Variants in ARHGAP42 observed in about 807,000 individuals in gnomAD.
ARHGAP42 encodes the protein rho GTPase-activating protein 42.
ARHGAP42 carries 63 observed loss-of-function variants against 125.0 expected under a neutral mutation model. That is an observed-to-expected ratio of 0.50 (90% confidence interval 0.41 to 0.62). ARHGAP42 has a LOEUF of 0.62. ARHGAP42 is among the 20% of genes least tolerant of loss of function. ARHGAP42 has a pLI of 0.00. For missense variants in ARHGAP42, 766 were observed against 1,024.2 expected, an observed-to-expected ratio of 0.75 and a Z score of 3.44; for synonymous variants, 339 against 351.0, an observed-to-expected ratio of 0.97 and a Z score of 0.38.
At chr11:100,820,947 TTTTTG>T (rs1864390574) in intron 3 of ARHGAP42, among the ~76,000 whole-genome samples, 1 of 144,302 alleles carries the variant, frequency 6.9e-6, no homozygotes, top group African/African-American at 2.7e-5. Flanking sequence ...GGGTCATCTT[TTTTTG>T]TTTGTTTGTT....
At chr11:100,757,690 A>G (rs552568915) in intron 1 of ARHGAP42, among the ~76,000 whole-genome samples, 2 of 152,314 alleles carry the variant, frequency 1.3e-5, no homozygotes, top group South Asian at 2.1e-4. Context: ...GTATGTCAAA[A>G]TGGGGTAGGA....
chr11:100,837,978 G>C (rs183439569), intron 3 of ARHGAP42, among the ~76,000 whole-genome samples: 289 of 26,346 alleles, frequency 0.011, no homozygotes, highest in Admixed American at 0.019. Flanking sequence ...GTGCTAACCT[G>C]TTTGGCTCTG....
intron 1 of ARHGAP42, among the ~76,000 whole-genome samples, chr11:100,746,434 C>T (rs930324425): frequency 1.3e-5 from 2 of 152,196 alleles, no homozygotes; most frequent in East Asian, 3.9e-4. Context: ...GGAGGACCAC[C>T]CTAGTGGAAA....
chr11:100,913,493 C>G lies in ARHGAP42; in HGVS notation c.426C>G (p.Tyr142Ter). 1 of 1,297,590 alleles carries G rather than the reference C, an allele frequency of 7.7e-7. No individual in the cohort carries two copies. Among genetic ancestry groups the G allele is most frequent in the African/African-American group, 1.5e-5 (1 of 65,488 alleles). The allele number at this position is 1,297,590 out of a possible 1,614,324, so 80.4% of individuals were successfully genotyped here. ...TTGACAAAGAGAGTGAAAAATATTA[C>G]TCTATCCTTGAAAAGCATTTAAATT... ...KKFDKESEKYYSILEKHLNLS... is the reference protein window; with the variant it reads ...KKFDKESEKY Residue 142 changes from tyrosine to a stop codon, truncating the protein, a stop_gained, in exon 5 of 24, where the codon TAC becomes TAG. Coordinates refer to ENST00000298815, the MANE Select transcript of ARHGAP42 (RefSeq NM_152432.4). LOFTEE classifies it high-confidence loss of function.
rs571215719 is a variant in ARHGAP42, at chr11:100,816,709, T to A, written c.312+21543T>A. ...AATAATTTCCTTTGCCTTTTATTCT[T>A]TTCAGGCAATGTTTTAAGAGGTTTT... On this transcript the variant is annotated intron_variant, in intron 3 of 23. Transcript: ENST00000298815. 2.0e-5 allele frequency: 3 copies of A among 152,342 alleles called. No homozygotes were observed. In the South Asian group the frequency reaches 6.2e-4, roughly 32 times the overall value. 9.4% of individuals were successfully genotyped at this position (152,342 alleles called of 1,614,324 possible).
At chr11:100,915,013 C>T (rs1867026930) in intron 5 of ARHGAP42, among the ~76,000 whole-genome samples, 1 of 151,976 alleles carries the variant, frequency 6.6e-6, no homozygotes, top group Non-Finnish European at 1.5e-5. Flanking sequence ...TTTTGTTGTG[C>T]TTAATATTTA....
intron 1 of ARHGAP42, among the ~76,000 whole-genome samples, chr11:100,697,410 C>T (rs1020531788): frequency 1.3e-5 from 2 of 152,112 alleles, no homozygotes; most frequent in Non-Finnish European, 2.9e-5. Context: ...TCTCCATCTC[C>T]TGACCTCGTG....
At chr11:100,952,734 C>CTTTTTTTTTTTTTTT (rs59112603) in intron 12 of ARHGAP42, among the ~76,000 whole-genome samples, 17 of 117,518 alleles carry the variant, frequency 1.4e-4, no homozygotes, top group African/African-American at 1.9e-4. Flanking sequence ...CTAAGTCAGG[C>CTTTTTTTTTTTTTTT]TTTTTTTTTT....
At chr11:100,882,353 T>C (rs1865981781) in intron 4 of ARHGAP42, among the ~76,000 whole-genome samples, 1 of 152,208 alleles carries the variant, frequency 6.6e-6, no homozygotes, top group Admixed American at 6.5e-5. Flanking sequence ...TAGATAATCA[T>C]GTAATTTTTG....
At chr11:100,952,010 G>A (rs991669607) in intron 12 of ARHGAP42, among the ~76,000 whole-genome samples, 3 of 152,156 alleles carry the variant, frequency 2.0e-5, no homozygotes, top group Non-Finnish European at 4.4e-5. Context: ...CCCAAGGGAA[G>A]ATTTTTGGTT....
intron 4 of ARHGAP42, among the ~76,000 whole-genome samples, chr11:100,906,986 T>C (rs971213093): frequency 1.3e-5 from 2 of 152,224 alleles, no homozygotes; most frequent in African/African-American, 4.8e-5. Context: ...GACATTTCTG[T>C]TAGCATCTCA....
At chr11:100,845,187 A>G (rs1865035028) in intron 3 of ARHGAP42, among the ~76,000 whole-genome samples, 1 of 152,170 alleles carries the variant, frequency 6.6e-6, no homozygotes, top group South Asian at 2.1e-4. Context: ...AAAGAAGTGA[A>G]TGGCATTGGC....
chr11:100,870,191 A>C (rs1261742094), intron 4 of ARHGAP42, among the ~76,000 whole-genome samples: 1 of 152,156 alleles, frequency 6.6e-6, no homozygotes, highest in Non-Finnish European at 1.5e-5. Context: ...AGATCCAGTT[A>C]CTTTTAGTAA....
intron 1 of ARHGAP42, among the ~76,000 whole-genome samples, chr11:100,758,591 T>C (rs1862628277): frequency 6.6e-6 from 1 of 152,176 alleles, no homozygotes; most frequent in Non-Finnish European, 1.5e-5. Context: ...TAGGCTGATA[T>C]GTAGGTTTAG....
intron 1 of ARHGAP42, among the ~76,000 whole-genome samples, chr11:100,767,418 G>A (rs561764431): frequency 6.6e-6 from 1 of 152,314 alleles, no homozygotes; most frequent in South Asian, 2.1e-4. Context: ...ACTTGACAGA[G>A]TAGCTTATAA....
intron 9 of ARHGAP42, among the ~76,000 whole-genome samples, chr11:100,942,367 G>T: frequency 6.6e-6 from 1 of 152,098 alleles, no homozygotes. Context: ...CCCAATAGAT[G>T]CTCATTTACC....
chr11:100,830,492 G>A lies in ARHGAP42; in HGVS notation c.313-29062G>A, dbSNP rs148833686. 5.8e-3 allele frequency among the ~76,000 whole-genome samples: 882 copies of A among 151,870 alleles called. 11 individuals are homozygous for A. The highest frequency in any genetic ancestry group is 0.02 in the African/African-American group (829 of 41,412). On this transcript the variant is annotated intron_variant, in intron 3 of 23. Transcript: ENST00000298815. ...ACTGTGGAGCCGCAGCGTCAGCCTC[G>A]CCTGAGTGCTTGTTAGATATGCATG...
intron 22 of ARHGAP42, among the ~76,000 whole-genome samples, chr11:100,981,228 T>G (rs965725647): frequency 6.6e-6 from 1 of 152,244 alleles, no homozygotes; most frequent in African/African-American, 2.4e-5. Context: ...ACAGGTGCTC[T>G]GTAGATGGTT....
At chr11:100,765,778 C>CGAGACA (rs1862816209) in intron 1 of ARHGAP42, among the ~76,000 whole-genome samples, 1 of 152,160 alleles carries the variant, frequency 6.6e-6, no homozygotes, top group Non-Finnish European at 1.5e-5. Context: ...ACACATATAT[C>CGAGACA]GAGACAGATT....
Sources: allele counts gnomAD v4.1 joint callset (sites outside exome capture counted in the v4.1 genomes callset), GRCh38; gene constraint gnomAD v4.1.1; transcripts MANE v1.5; gene names NCBI Gene and HGNC (gene_info 2026-07-23, HGNC 2026-07-21).